PDE4D: variants seen among roughly 807,000 people sequenced by gnomAD.
The protein encoded by PDE4D is 3',5'-cyclic-AMP phosphodiesterase 4D.
A neutral mutation model predicts 87.4 loss-of-function variants in PDE4D; 24 were observed. The observed-to-expected ratio is 0.27, with a 90% CI of 0.20 to 0.39. The LOEUF (loss-of-function observed/expected upper bound fraction) is 0.39, where lower values mean the gene tolerates loss of function less well. Among genes scored for constraint, PDE4D ranks in the 10% least tolerant of loss-of-function variants. PDE4D has a pLI of 1.00. For synonymous variants in PDE4D, 384 were observed against 383.2 expected (o/e 1.00, Z -0.02); for missense variants, 714 against 1,041.0 (o/e 0.69, Z 4.32).
At chr5:59,380,403 A>G (rs1215569043) in intron 1 of PDE4D, among the ~76,000 whole-genome samples, 115 of 150,274 alleles carry the variant, frequency 7.7e-4, no homozygotes, top group Non-Finnish European at 9.5e-4. Flanking sequence ...AAAAAAAAAA[A>G]AAAGAGAGAG....
intron 1 of PDE4D, among the ~76,000 whole-genome samples, chr5:60,293,087 C>T (rs1158755277): frequency 6.6e-6 from 1 of 151,194 alleles, no homozygotes; most frequent in African/African-American, 2.4e-5. Flanking sequence ...CTCACTGAAA[C>T]CTCTGCCCCC....
chr5:58,977,615 G>T (rs1429515687), intron 11 of PDE4D, among the ~76,000 whole-genome samples: 3 of 152,080 alleles, frequency 2.0e-5, no homozygotes, highest in African/African-American at 7.2e-5. Flanking sequence ...GAAAGAATTG[G>T]ATCTTTAACC....
chr5:59,215,485 T>C (rs1041283799), intron 2 of PDE4D: 8 of 353,148 alleles, frequency 2.3e-5, no homozygotes, highest in African/African-American at 1.5e-4. Context: ...GATTTAAGTG[T>C]TAGTTTCCAT....
chr5:59,732,595 T>A (rs1757527738), intron 1 of PDE4D, among the ~76,000 whole-genome samples: 1 of 152,116 alleles, frequency 6.6e-6, no homozygotes, highest in Non-Finnish European at 1.5e-5. Flanking sequence ...TGGAAAACTC[T>A]TGACCTTTTG....
At chr5:59,465,762 A>G (rs949108481) in intron 1 of PDE4D, among the ~76,000 whole-genome samples, 2 of 152,224 alleles carry the variant, frequency 1.3e-5, no homozygotes, top group Non-Finnish European at 2.9e-5. Context: ...GAAGAGAGAT[A>G]AAGAAAAAGA....
At chr5:60,190,216 C>T (rs142595600) in intron 1 of PDE4D, among the ~76,000 whole-genome samples, 109 of 152,258 alleles carry the variant, frequency 7.2e-4, no homozygotes, top group African/African-American at 2.6e-3. Flanking sequence ...AAGAAACATA[C>T]AAGGATGGAA....
chr5:59,960,794 G>A (rs531396171), intron 3 of PDE4D, among the ~76,000 whole-genome samples: 2 of 152,022 alleles, frequency 1.3e-5, no homozygotes, highest in African/African-American at 2.4e-5. Flanking sequence ...ATAGAAACTC[G>A]AACCTCAGCA....
intron 1 of PDE4D, among the ~76,000 whole-genome samples, chr5:59,350,302 A>G (rs1218141167): frequency 6.6e-6 from 1 of 152,038 alleles, no homozygotes; most frequent in Non-Finnish European, 1.5e-5. Flanking sequence ...TAGATGGCAT[A>G]TGTATTGAAG....
At chr5:59,670,748 A>G (rs764170956) in intron 1 of PDE4D, among the ~76,000 whole-genome samples, 28 of 152,208 alleles carry the variant, frequency 1.8e-4, no homozygotes, top group Non-Finnish European at 3.7e-4. Context: ...AGTGGAAAAA[A>G]CTATATCAGG....
intron 1 of PDE4D, among the ~76,000 whole-genome samples, chr5:59,774,016 C>A (rs1334186199): frequency 2.0e-5 from 3 of 152,002 alleles, no homozygotes; most frequent in Non-Finnish European, 4.4e-5. Flanking sequence ...AAAAACAAGG[C>A]AGGGCTTGAA....
At chr5:60,299,884 T>A (rs1753740373) in intron 1 of PDE4D, among the ~76,000 whole-genome samples, 1 of 152,196 alleles carries the variant, frequency 6.6e-6, no homozygotes, top group African/African-American at 2.4e-5. Context: ...ATCTTTATAA[T>A]AGAATGATTT....
chr5:60,426,215 A>C (rs1743698468), intron 1 of PDE4D, among the ~76,000 whole-genome samples: 2 of 152,214 alleles, frequency 1.3e-5, no homozygotes, highest in South Asian at 4.1e-4. Flanking sequence ...TCATTCTACT[A>C]TAAAGACATG....
intron 1 of PDE4D, among the ~76,000 whole-genome samples, chr5:59,688,981 G>A (rs373107528): frequency 6.6e-6 from 1 of 152,044 alleles, no homozygotes; most frequent in East Asian, 1.9e-4. Context: ...AGAAATGGAT[G>A]AATTCCTGGA....
At chr5:60,392,850 A>G (rs964301364) in intron 1 of PDE4D, among the ~76,000 whole-genome samples, 11 of 152,200 alleles carry the variant, frequency 7.2e-5, no homozygotes, top group African/African-American at 2.7e-4. Flanking sequence ...TACCACTCTC[A>G]TGATCAAACA....
At chr5:59,046,880 CA>C (rs1251370601) in intron 5 of PDE4D, among the ~76,000 whole-genome samples, 1 of 152,116 alleles carries the variant, frequency 6.6e-6, no homozygotes, top group Non-Finnish European at 1.5e-5. Flanking sequence ...GACATGTGTG[CA>C]ACTGTGAGTG....
chr5:60,500,817 C>G (rs1750034892), intron 1 of PDE4D, among the ~76,000 whole-genome samples: 1 of 152,094 alleles, frequency 6.6e-6, no homozygotes, highest in South Asian at 2.1e-4. Context: ...AAAGACATAG[C>G]AAGAACCTGA....
chr5:60,252,457 T>A (rs1164029551), intron 1 of PDE4D, among the ~76,000 whole-genome samples: 1 of 149,748 alleles, frequency 6.7e-6, no homozygotes, highest in Non-Finnish European at 1.5e-5. Flanking sequence ...TTATTTAGAG[T>A]CTTTCTAAAT....
intron 1 of PDE4D, among the ~76,000 whole-genome samples, chr5:60,509,851 C>T (rs971233983): frequency 6.6e-6 from 1 of 152,170 alleles, no homozygotes; most frequent in Non-Finnish European, 1.5e-5. Context: ...GTGATGAATA[C>T]TTGGCCCAGT....
At chr5:59,954,171 GC>G (rs1215125001) in intron 3 of PDE4D, among the ~76,000 whole-genome samples, 1 of 152,152 alleles carries the variant, frequency 6.6e-6, no homozygotes, top group East Asian at 1.9e-4. Context: ...TGATCCACCG[GC>G]CTCGGTCTCC....
Sources: allele counts gnomAD v4.1 joint callset (sites outside exome capture counted in the v4.1 genomes callset), GRCh38; gene constraint gnomAD v4.1.1; transcripts MANE v1.5; gene names NCBI Gene and HGNC (gene_info 2026-07-23, HGNC 2026-07-21).